Variants in C14orf119 observed in about 807,000 individuals in gnomAD.
C14orf119 encodes chromosome 14 open reading frame 119.
A neutral mutation model predicts 13.5 loss-of-function variants in C14orf119; 17 were observed. That is an observed-to-expected ratio of 1.26 (90% CI 0.86 to 1.88). The LOEUF is 1.88. Ranked by LOEUF, C14orf119 falls within the 40% of genes most tolerant of loss-of-function variation. The pLI is 0.00. For synonymous variants in C14orf119, 61 were observed against 61.9 expected, an observed-to-expected ratio of 0.99 and a Z score of 0.07; for missense variants, 162 against 165.9, an observed-to-expected ratio of 0.98 and a Z score of 0.13.
At position 23,099,405 on chromosome 14, in the gene C14orf119, C is replaced by T; in HGVS notation, c.*1324C>T. The T allele has an allele frequency of 2.4e-6, 1 of 413,476 alleles. No homozygotes were observed. Among genetic ancestry groups the T allele is most frequent in the Non-Finnish European group, 4.4e-6 (1 of 226,172 alleles). The allele number at this position is 413,476 out of a possible 1,614,324, so 25.6% of individuals were successfully genotyped here. A position where few individuals can be genotyped will look rare whatever the true frequency, so the allele number is the denominator to read the frequency against. On this transcript the variant is annotated 3_prime_UTR_variant, in exon 2 of 2. Transcript: ENST00000319074. The stretch of plus-strand genomic sequence containing the variant: ...GGTAGGCTGTGGTTCCCATTACACC[C>T]ACCAGGATTAGCAGCATTAGGCAGA...
chr14:23,095,957 T>C (rs1014393737), intron 1 of C14orf119, among the ~76,000 whole-genome samples: 1 of 152,216 alleles, frequency 6.6e-6, no homozygotes, highest in African/African-American at 2.4e-5. Context: ...GAGAGTAAGT[T>C]CCCTTGGAGG....
rs1009465775 is a variant in C14orf119 at position 23,097,823 on chromosome 14, A to T, written c.165A>T (p.Glu55Asp). The T allele has an allele frequency of 1.2e-6, 2 of 1,614,224 alleles. No homozygotes were observed. Among genetic ancestry groups the T allele is most frequent in the African/African-American group, 2.7e-5 (2 of 75,064 alleles). Residue 55 changes from glutamate to aspartate, a missense_variant, in exon 2 of 2, where the codon GAA becomes GAT. Physicochemically the swap from Glu to Asp is conservative, Grantham distance 45. Coordinates refer to ENST00000319074, the MANE Select transcript of C14orf119 (RefSeq NM_017924.4). ...CCAATTGGTCAGGTCCCCAGCGTGA[A>T]CGTTTCCTAGAGGACCTGGTAGCTA... ...WFANWSGPQR[E>D]RFLEDLVAKA...
Position 23,097,730 on chromosome 14 carries a change from T to C in C14orf119, c.72T>C (p.Thr24=), listed in dbSNP as rs1224776539. The C allele has an allele frequency of 2.5e-6, 4 of 1,613,946 alleles. No individual in the cohort carries two copies. The highest frequency in any genetic ancestry group is 2.5e-6 in the Non-Finnish European group (3 of 1,179,918). ...TCTTACCCTCAGTACCACACAATAC[T>C]AACCCTTCCCCTCCTCTGATGTCTT... is the stretch of plus-strand genomic sequence containing the variant. ...PSLLPSVPHN[T]NPSPPLMSYI... The change falls in exon 2 of 2, where the codon ACT becomes ACC. Residue 24 remains threonine (T), a synonymous_variant. Transcript: ENST00000319074.
Position 23,100,402 on chromosome 14 carries a change from CCT to C in C14orf119, c.*2322_*2323del. The C allele has an allele frequency of 2.4e-6, 1 of 412,398 alleles. No homozygotes were observed. The allele number at this position is 412,398 out of a possible 1,614,324, so 25.5% of individuals were successfully genotyped here. On this transcript the variant is annotated 3_prime_UTR_variant, in exon 2 of 2. Coordinates refer to ENST00000319074, the MANE Select transcript of C14orf119 (RefSeq NM_017924.4). Reference sequence around the variant, plus strand: ...GGATCTTTGTTCTCTGAAACGCAACCCTGTCTAGGACAATATACACGTGAGTG... The same window carrying C: ...GGATCTTTGTTCTCTGAAACGCAACCGTCTAGGACAATATACACGTGAGTG...
chr14:23,100,090 A>G lies in C14orf119; in HGVS notation c.*2009A>G, dbSNP rs2048418391. On this transcript the variant is annotated 3_prime_UTR_variant, in exon 2 of 2. Coordinates refer to ENST00000319074, the MANE Select transcript of C14orf119 (RefSeq NM_017924.4). ...TGGGCAACATGGTGAAACTGTCTCTATCAAAAATACAAAAATTAGCTGGCA... is the reference window on the plus strand; with the variant it reads ...TGGGCAACATGGTGAAACTGTCTCTGTCAAAAATACAAAAATTAGCTGGCA... The G allele has an allele frequency of 6.3e-6, 1 of 159,090 alleles. No individual in the cohort carries two copies. The highest frequency in any genetic ancestry group is 1.4e-5 in the Non-Finnish European group (1 of 69,684). 9.9% of individuals were successfully genotyped at this position (159,090 alleles called of 1,614,324 possible).
rs768595398 is a variant in C14orf119, at chr14:23,099,392, T to C, written c.*1311T>C. Reference sequence around the variant, plus strand: ...GTGGCTCTTTTCTGGTAGGCTGTGGTTCCCATTACACCCACCAGGATTAGC... The same window carrying C: ...GTGGCTCTTTTCTGGTAGGCTGTGGCTCCCATTACACCCACCAGGATTAGC... On this transcript the variant is annotated 3_prime_UTR_variant, in exon 2 of 2. Coordinates refer to ENST00000319074, the MANE Select transcript of C14orf119 (RefSeq NM_017924.4). 12 of 413,254 alleles carry C rather than the reference T, an allele frequency of 2.9e-5. No individual in the cohort carries two copies. Among genetic ancestry groups the C allele is most frequent in the Non-Finnish European group, 4.4e-5 (10 of 226,136 alleles). The allele number at this position is 413,254 out of a possible 1,614,324, so 25.6% of individuals were successfully genotyped here.
At position 23,098,103 on chromosome 14, in the gene C14orf119, A is replaced by G. The variant is rs779747663; in HGVS notation, c.*22A>G. 1 of 1,603,242 alleles carries G rather than the reference A, an allele frequency of 6.2e-7. No individual in the cohort carries two copies. Among genetic ancestry groups the G allele is most frequent in the Non-Finnish European group, 8.5e-7 (1 of 1,173,252 alleles). On this transcript the variant is annotated 3_prime_UTR_variant, in exon 2 of 2. Coordinates refer to ENST00000319074, the MANE Select transcript of C14orf119 (RefSeq NM_017924.4). Reference sequence around the variant, plus strand: ...CTGATAGGCATTCAGACCAAAGAAGATAACCATAGCTGATGGAGCCATGAC... The same window carrying G: ...CTGATAGGCATTCAGACCAAAGAAGGTAACCATAGCTGATGGAGCCATGAC...
rs570712904 is a variant in C14orf119, at chr14:23,096,815, G to T, written c.-1-843G>T. ...TGGTCTCGAACACCTGGGCTCAAGC[G>T]ATCCTCTTGCCTCGGCCTCTCAAAG... On this transcript the variant is annotated intron_variant, in intron 1 of 1. Coordinates refer to ENST00000319074, the MANE Select transcript of C14orf119 (RefSeq NM_017924.4). Among the ~76,000 whole-genome samples the T allele has an allele frequency of 7.0e-4, 106 of 152,186 alleles. 1 individual carries two copies. In the South Asian group the frequency reaches 0.02, roughly 29 times the overall value.
At chr14:23,096,595 A>T (rs1330035998) in intron 1 of C14orf119, among the ~76,000 whole-genome samples, 1 of 140,306 alleles carries the variant, frequency 7.1e-6, no homozygotes, top group Non-Finnish European at 1.5e-5. Flanking sequence ...TTGTCACTCC[A>T]CTCTGGGTCC....
rs915753242 is a variant in C14orf119, at chr14:23,095,605, G to C, written c.-16G>C. 2.8e-6 allele frequency: 1 copy of C among 352,342 alleles called. No individual in the cohort carries two copies. Among genetic ancestry groups the C allele is most frequent in the Admixed American group, 4.5e-5 (1 of 22,098 alleles). 21.8% of individuals were successfully genotyped at this position (352,342 alleles called of 1,614,324 possible). On this transcript the variant is annotated 5_prime_UTR_variant, in exon 1 of 2. Coordinates refer to ENST00000319074, the MANE Select transcript of C14orf119 (RefSeq NM_017924.4). ...TCGTGACAATCTTCGGGTGCCCTTC[G>C]AGAGAAAAGGGGAGGTAAGCGGGGT...
chr14:23,096,576 A>G (rs7142934), intron 1 of C14orf119, among the ~76,000 whole-genome samples: 8,307 of 135,928 alleles, frequency 0.061, 288 homozygotes, highest in East Asian at 0.13. Context: ...AAAAAAAAAA[A>G]TTTTTTTTTT....
In C14orf119 at chr14:23,097,882, A is replaced by G. The variant is rs1397478066; in HGVS notation, c.224A>G (p.Asp75Gly). 2 of 1,614,170 alleles carry G rather than the reference A, an allele frequency of 1.2e-6. No individual in the cohort carries two copies. Among genetic ancestry groups the G allele is most frequent in the East Asian group, 2.2e-5 (1 of 44,888 alleles). Reference sequence around the variant, plus strand: ...CCAGAAAAATTACAACCACTGCTGGATAGTCTGGAGCAGCTTAGTGTGTCT... The same window carrying G: ...CCAGAAAAATTACAACCACTGCTGGGTAGTCTGGAGCAGCTTAGTGTGTCT... ...AVPEKLQPLL[D>G]SLEQLSVSGA... The change falls in exon 2 of 2, where the codon GAT becomes GGT. Residue 75 changes from aspartate (D) to glycine (G), a missense_variant. Coordinates refer to ENST00000319074, the MANE Select transcript of C14orf119 (RefSeq NM_017924.4).
At chr14:23,097,138 T>G (rs1174795834) in intron 1 of C14orf119, among the ~76,000 whole-genome samples, 1 of 151,524 alleles carries the variant, frequency 6.6e-6, no homozygotes, top group Non-Finnish European at 1.5e-5. Flanking sequence ...TTTCAGAGGC[T>G]TATATGCACA....
intron 1 of C14orf119, among the ~76,000 whole-genome samples, chr14:23,096,733 C>T (rs1032766813): frequency 2.0e-5 from 3 of 151,828 alleles, no homozygotes; most frequent in Non-Finnish European, 4.4e-5. Flanking sequence ...GGCACCTCTA[C>T]GCTCAACTAA....
chr14:23,097,189 C>T (rs2048390014), intron 1 of C14orf119, among the ~76,000 whole-genome samples: 1 of 152,114 alleles, frequency 6.6e-6, no homozygotes, highest in Admixed American at 6.5e-5. Flanking sequence ...TTTCTTTCTT[C>T]CCCCACTGTT....
chr14:23,097,631 G>A, intron 1 of C14orf119, 27 bp from the exon 2 acceptor site: 1 of 1,602,688 alleles, frequency 6.2e-7, no homozygotes, highest in Non-Finnish European at 8.5e-7. Flanking sequence ...TACCTGGAGA[G>A]CATATAACAG....
Position 23,097,650 on chromosome 14 carries a change from T to C in C14orf119, c.-1-8T>C, listed in dbSNP as rs992616665. 8.7e-6 allele frequency: 14 copies of C among 1,610,804 alleles called. No individual in the cohort carries two copies. Among genetic ancestry groups the C allele is most frequent in the Non-Finnish European group, 1.1e-5 (13 of 1,177,234 alleles). ...TGGAGAGCATATAACAGTGCTTTTA[T>C]GTTTCAGGATGCCACTGGAGTCATC... On this transcript the variant is annotated splice_region_variant and splice_polypyrimidine_tract_variant and intron_variant, in intron 1 of 1. Transcript: ENST00000319074.
chr14:23,097,918 G>A lies in C14orf119; in HGVS notation c.260G>A (p.Arg87Gln), dbSNP rs752479887. ...CAGCTTAGTGTGTCTGGGGCAGACC[G>A]ACCACCTTCTATCTTTGAGTGCCAG... ...LEQLSVSGAD[R>Q]PPSIFECQLH... The change falls in exon 2 of 2, where the codon CGA becomes CAA. Residue 87 changes from arginine to glutamine, a missense_variant. Transcript: ENST00000319074. The A allele has an allele frequency of 3.5e-5, 56 of 1,613,982 alleles. No individual in the cohort carries two copies. Among genetic ancestry groups the A allele is most frequent in the Non-Finnish European group, 4.2e-5 (50 of 1,179,982 alleles).
At position 23,098,141 on chromosome 14, in the gene C14orf119, T is replaced by A. The variant is rs922962986; in HGVS notation, c.*60T>A. 6.5e-7 allele frequency: 1 copy of A among 1,541,366 alleles called. No individual in the cohort carries two copies. Among genetic ancestry groups the A allele is most frequent in the Non-Finnish European group, 8.8e-7 (1 of 1,132,774 alleles). ...ATGGAGCCATGACTCTCTACAATGATAACTCAATTCAAATGTGTCGCCTAA... is the reference window on the plus strand; with the variant it reads ...ATGGAGCCATGACTCTCTACAATGAAAACTCAATTCAAATGTGTCGCCTAA... On this transcript the variant is annotated 3_prime_UTR_variant, in exon 2 of 2. Transcript: ENST00000319074.
Sources: allele counts gnomAD v4.1 joint callset (sites outside exome capture counted in the v4.1 genomes callset), GRCh38; gene constraint gnomAD v4.1.1; transcripts MANE v1.5; gene names NCBI Gene and HGNC (gene_info 2026-07-23, HGNC 2026-07-21).